Variants in FAM221A observed in about 807,000 individuals in gnomAD.
The protein encoded by FAM221A is family with sequence similarity 221 member A.
FAM221A carries 43 observed loss-of-function variants against 37.6 expected under a neutral mutation model. The ratio of observed to expected loss-of-function variants is 1.15; its 90% CI spans 0.90 to 1.48. The LOEUF (loss-of-function observed/expected upper bound fraction) is 1.48. FAM221A is among the 40% of genes most tolerant of loss of function. The pLI, the probability that FAM221A is intolerant of heterozygous loss-of-function variation, is 0.00. For missense variants in FAM221A, 361 were observed against 361.5 expected (o/e 1.00, Z 0.01); for synonymous variants, 135 against 132.9 (o/e 1.02, Z -0.11).
chr7:23,696,326 G>C (rs1163077987), intron 4 of FAM221A, among the ~76,000 whole-genome samples: 3 of 152,340 alleles, frequency 2.0e-5, no homozygotes, highest in South Asian at 2.1e-4. Context: ...GGGAGGCTGA[G>C]GCAGGCAGAT....
In FAM221A at chr7:23,689,399, TGCAG is replaced by T. The variant is rs1784571939; in HGVS notation, c.372_375del (p.Arg125AlafsTer43). The T allele has an allele frequency of 6.2e-7, 1 of 1,607,100 alleles. No individual in the cohort carries two copies. Among genetic ancestry groups the T allele is most frequent in the Non-Finnish European group, 8.5e-7 (1 of 1,174,758 alleles). On this transcript the variant is annotated frameshift_variant, in exon 3 of 7. Coordinates refer to ENST00000344962, the MANE Select transcript of FAM221A (RefSeq NM_199136.5). LOFTEE classifies it high-confidence loss of function. ...CTTGAATGGTAGCCAGCCCATTCGC[TGCAG>T]GTGCAAACACTTTGCTGATCAGCAC... is the stretch of plus-strand genomic sequence containing the variant.
chr7:23,701,291 G>C (rs928393281), intron 6 of FAM221A, among the ~76,000 whole-genome samples: 5 of 137,372 alleles, frequency 3.6e-5, no homozygotes, highest in African/African-American at 1.4e-4. Flanking sequence ...CCAGGCTGGA[G>C]TGCAGTGGCG....
rs1377605627 is a variant in FAM221A at position 23,684,535 on chromosome 7, T to C, written c.102T>C (p.Thr34=). ...AGGATGATGGAGGGAAACTTTTTAC[T>C]CCTGAAGAATATGAAGAATACAAAA... ...VGEDDGGKLF[T]PEEYEEYKRK... The change falls in exon 2 of 7, where the codon ACT becomes ACC. Residue 34 remains threonine (T), a synonymous_variant. Coordinates refer to ENST00000344962, the MANE Select transcript of FAM221A (RefSeq NM_199136.5). 4 of 1,612,308 alleles carry C rather than the reference T, an allele frequency of 2.5e-6. No individual in the cohort carries two copies. In the African/African-American group the frequency reaches 5.3e-5, roughly 22 times the overall value.
chr7:23,690,338 G>A (rs1373415956), intron 3 of FAM221A, among the ~76,000 whole-genome samples: 1 of 151,282 alleles, frequency 6.6e-6, no homozygotes, highest in Non-Finnish European at 1.5e-5. Context: ...CCAAGTAGCT[G>A]AGATTATAGG....
At chr7:23,700,714 C>A in intron 5 of FAM221A, 72 bp from the exon 6 acceptor site, 1 of 1,007,898 alleles carries the variant, frequency 9.9e-7, no homozygotes, top group Non-Finnish European at 1.4e-6. Flanking sequence ...CAGGAGAAAA[C>A]TTTTCTTTCT....
Position 23,689,291 on chromosome 7 carries a change from T to A in FAM221A, c.262T>A (p.Leu88Met), listed in dbSNP as rs774274605. The A allele has an allele frequency of 6.4e-7, 1 of 1,565,058 alleles. No individual in the cohort carries two copies. Residue 88 changes from leucine (L) to methionine (M), a missense_variant, in exon 3 of 7, where the codon TTG becomes ATG. By Grantham distance (15) the Leu-to-Met change is conservative. Coordinates refer to ENST00000344962, the MANE Select transcript of FAM221A (RefSeq NM_199136.5). The stretch of plus-strand genomic sequence containing the variant: ...TAGGTATAAACAACATAAAACTGAC[T>A]TGGAAGCGATTCCTCAGCAGTGCCC... The part of the protein sequence containing the change: ...THRYKQHKTD[L>M]EAIPQQCPID...
Position 23,698,844 on chromosome 7 carries a change from C to T in FAM221A, c.745+545C>T, listed in dbSNP as rs553412345. Reference sequence around the variant, plus strand: ...TTATCTGTATTTTCATACACCTAGACGTTCCCCACAAGGAATTTTAAGGCT... The same window carrying T: ...TTATCTGTATTTTCATACACCTAGATGTTCCCCACAAGGAATTTTAAGGCT... On this transcript the variant is annotated intron_variant, in intron 5 of 6. Transcript: ENST00000344962. 4.3e-4 allele frequency among the ~76,000 whole-genome samples: 65 copies of T among 152,166 alleles called. 4 individuals are homozygous for T. The South Asian group carries it at 0.012, about 28-fold the overall frequency.
intron 5 of FAM221A, among the ~76,000 whole-genome samples, chr7:23,700,195 C>T (rs1265727082): frequency 1.3e-5 from 2 of 152,108 alleles, no homozygotes; most frequent in Non-Finnish European, 2.9e-5. Context: ...AATGAAGGGA[C>T]CCAGTGAAGA....
chr7:23,698,635 C>T (rs948292666), intron 5 of FAM221A, among the ~76,000 whole-genome samples: 6 of 152,152 alleles, frequency 3.9e-5, no homozygotes, highest in African/African-American at 2.4e-5. Context: ...CCCAAAGAGG[C>T]GTAATCCAGT....
intron 1 of FAM221A, among the ~76,000 whole-genome samples, chr7:23,682,747 A>C (rs1235826318): frequency 2.6e-5 from 4 of 152,120 alleles, no homozygotes; most frequent in Non-Finnish European, 5.9e-5. Context: ...TTTGAGCAAG[A>C]TCCCCTGGGG....
intron 5 of FAM221A, 106 bp from the exon 6 acceptor site, chr7:23,700,680 G>A: frequency 1.4e-6 from 1 of 717,018 alleles, no homozygotes; most frequent in Non-Finnish European, 2.2e-6. Context: ...TTTTTGGTTT[G>A]AAAAATAAAA....
At chr7:23,701,968 G>C (rs978482597) in intron 6 of FAM221A, 128 bp from the exon 7 acceptor site, 1 of 457,034 alleles carries the variant, frequency 2.2e-6, no homozygotes, top group Non-Finnish European at 3.9e-6. Flanking sequence ...ACAGATTTTG[G>C]CTTTAGTATT....
chr7:23,691,215 T>C (rs1784723957), intron 3 of FAM221A, among the ~76,000 whole-genome samples, 175 bp from the exon 4 acceptor site: 1 of 152,118 alleles, frequency 6.6e-6, no homozygotes, highest in Non-Finnish European at 1.5e-5. Flanking sequence ...ATCTGGTTAC[T>C]ACTTCGGCAT....
At chr7:23,692,703 GAAAT>G (rs1784823787) in intron 4 of FAM221A, 1 of 984,142 alleles carries the variant, frequency 1.0e-6, no homozygotes, top group Non-Finnish European at 1.2e-6. Flanking sequence ...GAAAAAGAAA[GAAAT>G]TAAGTGCAAA....
intron 4 of FAM221A, chr7:23,694,551 C>T (rs993107386): frequency 1.8e-4 from 28 of 152,210 alleles, no homozygotes; most frequent in African/African-American, 5.5e-4. Flanking sequence ...TGTTTGATGA[C>T]GGCAGCTTTG....
At position 23,684,577 on chromosome 7, in the gene FAM221A, G is replaced by A; in HGVS notation, c.144G>A (p.Leu48=). 1 of 1,614,072 alleles carries A rather than the reference G, an allele frequency of 6.2e-7. No homozygotes were observed. Among genetic ancestry groups the A allele is most frequent in the Non-Finnish European group, 8.5e-7 (1 of 1,180,000 alleles). The change falls in exon 2 of 7, where the codon CTG becomes CTA. Residue 48 remains leucine, a synonymous_variant. Transcript: ENST00000344962. ...YEEYKRKVLP[L]RLQNRLFVSW... is the part of the protein sequence containing the mutation. ...AATACAAAAGAAAAGTTTTACCTCT[G>A]CGCTTACAAAACAGATTATTTGTGA... is the stretch of plus-strand genomic sequence containing the variant.
chr7:23,686,406 G>C, intron 2 of FAM221A: 1 of 308,096 alleles, frequency 3.2e-6, no homozygotes, highest in Non-Finnish European at 6.4e-6. Context: ...TGGGACCACA[G>C]GCGTCTGCCA....
At chr7:23,682,439 A>ATTAT (rs1464358242) in intron 1 of FAM221A, among the ~76,000 whole-genome samples, 38 of 79,392 alleles carry the variant, frequency 4.8e-4, no homozygotes, top group African/African-American at 5.4e-4. Context: ...TATTATTATT[A>ATTAT]TTTTTTTTTT....
At chr7:23,688,047 CT>C (rs879561651) in intron 2 of FAM221A, 111 of 148,156 alleles carry the variant, frequency 7.5e-4, no homozygotes, top group South Asian at 1.5e-3. Flanking sequence ...ATTTGCATTT[CT>C]TTTTTTTTTC....
Sources: gnomAD v4.1 joint callset for allele counts (sites outside exome capture counted in the v4.1 genomes callset) on GRCh38, gnomAD v4.1.1 for gene constraint, MANE v1.5 for transcripts, NCBI Gene and HGNC (gene_info 2026-07-23, HGNC 2026-07-21) for gene names.